NAA25: variants seen among roughly 807,000 people sequenced by gnomAD.
NAA25 encodes N-alpha-acetyltransferase 25, NatB auxiliary subunit, also known as N-terminal acetyltransferase B complex subunit NAA25.
NAA25 carries 30 observed loss-of-function variants against 132.5 expected under a neutral mutation model. The observed-to-expected ratio is 0.23, with a 90% CI of 0.17 to 0.31. The LOEUF is 0.31. NAA25 is among the 10% of genes least tolerant of loss of function. NAA25 has a pLI of 1.00. For missense variants in NAA25, 771 were observed against 1,150.4 expected (o/e 0.67, Z 4.77); for synonymous variants, 359 against 401.9 (o/e 0.89, Z 1.28).
At chr12:112,104,985 C>T (rs1293009771) in intron 1 of NAA25, among the ~76,000 whole-genome samples, 1 of 151,560 alleles carries the variant, frequency 6.6e-6, no homozygotes, top group Non-Finnish European at 1.5e-5. Flanking sequence ...CCACTGCATT[C>T]CAGCCTGGGT....
At chr12:112,081,528 C>A (rs2078972651) in intron 4 of NAA25, among the ~76,000 whole-genome samples, 2 of 152,154 alleles carry the variant, frequency 1.3e-5, no homozygotes. Context: ...TATACTTAAA[C>A]TTCAATATCA....
intron 21 of NAA25, chr12:112,039,955 C>G (rs1288293157): frequency 6.4e-6 from 1 of 155,436 alleles, no homozygotes; most frequent in Non-Finnish European, 1.4e-5. Context: ...ACAGTGTACA[C>G]TCCCCACACA....
At chr12:112,075,571 GA>G (rs1435745431) in intron 8 of NAA25, 106 bp downstream of exon 8, 17 of 852,890 alleles carry the variant, frequency 2.0e-5, no homozygotes, top group Non-Finnish European at 3.0e-5. Context: ...ACTACTATAA[GA>G]AGACTTTATG....
intron 5 of NAA25, among the ~76,000 whole-genome samples, chr12:112,079,014 A>C (rs2078932706): frequency 2.0e-5 from 3 of 152,190 alleles, no homozygotes; most frequent in Non-Finnish European, 4.4e-5. Flanking sequence ...TTCTAGAAGA[A>C]TGTAAAGAGG....
intron 16 of NAA25, among the ~76,000 whole-genome samples, 196 bp from the exon 17 acceptor site, chr12:112,047,986 C>T (rs527379628): frequency 6.6e-6 from 1 of 152,306 alleles, no homozygotes; most frequent in South Asian, 2.1e-4. Context: ...CCACACAAAA[C>T]AAAGGGGATC....
intron 1 of NAA25, 145 bp downstream of exon 1, chr12:112,108,571 C>T: frequency 1.1e-6 from 1 of 881,256 alleles, no homozygotes; most frequent in Admixed American, 5.1e-5. Context: ...AGGCCCGCGG[C>T]TGCGGCCTAG....
Position 112,033,234 on chromosome 12 carries a change from G to A in NAA25, c.2795C>T (p.Pro932Leu), listed in dbSNP as rs759862349. Residue 932 changes from proline to leucine, a missense_variant and splice_region_variant, in exon 23 of 24, where the codon CCG becomes CTG. Transcript: ENST00000261745. ...ELILEDTSLSPEERKFSKTVQ... is the reference protein window; with the variant it reads ...ELILEDTSLSLEERKFSKTVQ... Reference sequence around the variant, plus strand: ...TGCCGATTGCCTACAATCTCTTACCGGTGAGAGAGAAGTGTCTTCTAAAAT... The same window carrying A: ...TGCCGATTGCCTACAATCTCTTACCAGTGAGAGAGAAGTGTCTTCTAAAAT... 24 of 1,605,080 alleles carry A rather than the reference G, an allele frequency of 1.5e-5. No individual in the cohort carries two copies. The highest frequency in any genetic ancestry group is 6.7e-5 in the East Asian group (3 of 44,700).
chr12:112,101,992 G>A (rs1043516547), intron 1 of NAA25, among the ~76,000 whole-genome samples: 2 of 149,512 alleles, frequency 1.3e-5, no homozygotes, highest in Admixed American at 6.7e-5. Context: ...TCAGCCTCCC[G>A]AGTAGCTAGG....
At chr12:112,038,536 G>A (rs1301023079) in intron 22 of NAA25, among the ~76,000 whole-genome samples, 2 of 152,072 alleles carry the variant, frequency 1.3e-5, no homozygotes, top group Non-Finnish European at 2.9e-5. Flanking sequence ...ATCTTTATGG[G>A]TGTCATATTA....
Position 112,071,927 on chromosome 12 carries a change from C to T in NAA25, c.1004G>A (p.Arg335Gln), listed in dbSNP as rs752979488. ...LAKLELIRRL[R>Q]SQGCNDEYKL... ...GTACTCATCGTTACAACCTTGACTT[C>T]GTAAACGCCTAATCAGCTCCAATTT... Residue 335 changes from arginine to glutamine, a missense_variant, in exon 10 of 24, where the codon CGA (arginine) becomes CAA (glutamine). This residue lies in a region of NAA25 where 417 missense variants were observed against 733.8 expected (regional missense o/e 0.57). Transcript: ENST00000261745. The T allele has an allele frequency of 3.1e-6, 5 of 1,613,542 alleles. No homozygotes were observed. The Admixed American group carries it at 5.0e-5, about 16-fold the overall frequency.
intron 22 of NAA25, chr12:112,034,120 A>T (rs1196470577): frequency 1.3e-5 from 2 of 152,234 alleles, no homozygotes; most frequent in Non-Finnish European, 2.9e-5. Context: ...GGGGATGAGT[A>T]CAAATGTATA....
chr12:112,060,066 C>T (rs771947633), intron 13 of NAA25, among the ~76,000 whole-genome samples: 1 of 152,186 alleles, frequency 6.6e-6, no homozygotes, highest in African/African-American at 2.4e-5. Flanking sequence ...GCCTCAGCCT[C>T]CCAAAGTGCT....
chr12:112,037,275 C>CATATATAT lies in NAA25; in HGVS notation c.2649+1946_2649+1953dup, dbSNP rs57810657. Among the ~76,000 whole-genome samples, 276 of 65,130 alleles carry CATATATAT rather than the reference C, an allele frequency of 4.2e-3. 9 individuals are homozygous for CATATATAT. The highest frequency in any genetic ancestry group is 6.4e-3 in the Non-Finnish European group (198 of 30,986). The allele number at this position is 65,130 out of a possible 152,430, so 42.7% of individuals were successfully genotyped here. ...TCAGATAGCGATATTTTAAAAAATA[C>CATATATAT]ATATATATATATATATATATATATA... On this transcript the variant is annotated intron_variant, in intron 22 of 23. Coordinates refer to ENST00000261745, the MANE Select transcript of NAA25 (RefSeq NM_024953.4).
At chr12:112,068,811 C>A in intron 11 of NAA25, 69 bp downstream of exon 11, 1 of 847,388 alleles carries the variant, frequency 1.2e-6, no homozygotes, top group African/African-American at 1.7e-5. Context: ...AAAAGAAACC[C>A]AAACATTTAA....
At chr12:112,060,713 A>G (rs2078615291) in intron 12 of NAA25, among the ~76,000 whole-genome samples, 1 of 152,256 alleles carries the variant, frequency 6.6e-6, no homozygotes, top group African/African-American at 2.4e-5. Flanking sequence ...CTAATTCTTT[A>G]GACTACAGAT....
chr12:112,086,067 TATATATAC>T (rs2079047742), intron 4 of NAA25, among the ~76,000 whole-genome samples: 1 of 64,204 alleles, frequency 1.6e-5, no homozygotes, highest in African/African-American at 1.2e-4. Flanking sequence ...TATATATATA[TATATATAC>T]ACACACACAC....
At chr12:112,079,498 G>A (rs949369299) in intron 5 of NAA25, among the ~76,000 whole-genome samples, 3 of 151,860 alleles carry the variant, frequency 2.0e-5, no homozygotes, top group Non-Finnish European at 4.4e-5. Flanking sequence ...GGGAGGCTGA[G>A]ACATGAGAAT....
chr12:112,044,094 A>AT lies in NAA25; in HGVS notation c.2007-227dup, dbSNP rs1196820852. Among the ~76,000 whole-genome samples, 184 of 147,880 alleles carry AT rather than the reference A, an allele frequency of 1.2e-3. 2 individuals are homozygous for AT. Among genetic ancestry groups the AT allele is most frequent in the Non-Finnish European group, 2.3e-3 (150 of 66,566 alleles). On this transcript the variant is annotated intron_variant, in intron 17 of 23. Coordinates refer to ENST00000261745, the MANE Select transcript of NAA25 (RefSeq NM_024953.4). The stretch of plus-strand genomic sequence containing the variant: ...AGGCGCCTGCCACCACGCCCGGCTA[A>AT]TTTTTTTTTTGTATTTTTAGTAGAG...
intron 11 of NAA25, chr12:112,064,161 T>A (rs1429354196): frequency 6.6e-6 from 1 of 152,272 alleles, no homozygotes; most frequent in East Asian, 1.9e-4. Flanking sequence ...TTAATTTTAA[T>A]CATTATGATC....
Sources: gnomAD v4.1 joint callset for allele counts (sites outside exome capture counted in the v4.1 genomes callset) on GRCh38, gnomAD v4.1.1 for gene constraint, gnomAD v4.1.1 regional missense constraint, MANE v1.5 for transcripts, NCBI Gene and HGNC (gene_info 2026-07-23, HGNC 2026-07-21) for gene names.